SPICE1: variants seen among roughly 807,000 people sequenced by gnomAD.
The protein encoded by SPICE1 is spindle and centriole associated protein 1, also known as spindle and centriole-associated protein 1.
A neutral mutation model predicts 102.7 loss-of-function variants in SPICE1; 75 were observed. The observed-to-expected ratio is 0.73, with a 90% CI of 0.61 to 0.88. The LOEUF is 0.88. SPICE1 is among the 40% of genes least tolerant of loss of function. The pLI, the probability that SPICE1 is intolerant of heterozygous loss-of-function variation, is 0.00. For missense variants in SPICE1, 979 were observed against 1,020.1 expected (o/e 0.96, Z 0.55); for synonymous variants, 308 against 350.3 (o/e 0.88, Z 1.35).
chr3:113,512,813 G>C (rs1937247222), intron 1 of SPICE1, among the ~76,000 whole-genome samples: 1 of 152,028 alleles, frequency 6.6e-6, no homozygotes, highest in South Asian at 2.1e-4. Context: ...CATTCTTCTT[G>C]TCTTTCCATT....
intron 1 of SPICE1, among the ~76,000 whole-genome samples, chr3:113,510,786 G>C (rs1011328419): frequency 6.6e-6 from 1 of 152,056 alleles, no homozygotes; most frequent in African/African-American, 2.4e-5. Context: ...TTAAACTAAA[G>C]AGCTTCTGCA....
chr3:113,493,968 G>T, intron 5 of SPICE1, 81 bp downstream of exon 5: 1 of 936,108 alleles, frequency 1.1e-6, no homozygotes, highest in Non-Finnish European at 1.6e-6. Flanking sequence ...TGATGCCTAA[G>T]AAAGGACTTT....
At chr3:113,456,005 T>C (rs912159813) in intron 13 of SPICE1, among the ~76,000 whole-genome samples, 1 of 152,164 alleles carries the variant, frequency 6.6e-6, no homozygotes, top group Non-Finnish European at 1.5e-5. Context: ...AACTTAGGTC[T>C]AGAAAAGGTA....
chr3:113,504,571 CAAA>C (rs71633321), intron 2 of SPICE1, among the ~76,000 whole-genome samples: 19 of 67,832 alleles, frequency 2.8e-4, no homozygotes, highest in African/African-American at 8.6e-4. Context: ...GACCTTGTCT[CAAA>C]AAAAAAAAAA....
At chr3:113,494,426 T>C (rs984362785) in intron 4 of SPICE1, among the ~76,000 whole-genome samples, 72 of 152,142 alleles carry the variant, frequency 4.7e-4, no homozygotes, top group African/African-American at 1.6e-3. Context: ...GGCGGGCGGA[T>C]CACGAGGTCA....
At chr3:113,451,990 T>G (rs1294782107) in intron 14 of SPICE1, among the ~76,000 whole-genome samples, 1 of 152,158 alleles carries the variant, frequency 6.6e-6, no homozygotes, top group African/African-American at 2.4e-5. Context: ...CCAGTGACAG[T>G]GCCCAGCTCC....
In SPICE1 at chr3:113,446,583, GT is replaced by G. The variant is rs1559954816; in HGVS notation, c.2514+5del. 5 of 1,609,446 alleles carry G rather than the reference GT, an allele frequency of 3.1e-6. No individual in the cohort carries two copies. Among genetic ancestry groups the G allele is most frequent in the Non-Finnish European group, 4.3e-6 (5 of 1,176,466 alleles). The stretch of plus-strand genomic sequence containing the variant: ...ATGCATTTCACAATTACATTTTAAC[GT>G]GTACCTTTGCTCTTGGATTAAGAGG... On this transcript the variant is annotated splice_donor_5th_base_variant and intron_variant, in intron 17 of 17. Coordinates refer to ENST00000295872, the MANE Select transcript of SPICE1 (RefSeq NM_144718.4).
chr3:113,479,744 C>T (rs1010881442), intron 7 of SPICE1, among the ~76,000 whole-genome samples: 1 of 152,104 alleles, frequency 6.6e-6, no homozygotes, highest in African/African-American at 2.4e-5. Flanking sequence ...GTATGGTACA[C>T]ATTTATAGTA....
chr3:113,474,712 C>G (rs1936294686), intron 7 of SPICE1, among the ~76,000 whole-genome samples: 1 of 152,034 alleles, frequency 6.6e-6, no homozygotes, highest in Non-Finnish European at 1.5e-5. Flanking sequence ...TAAATGAAGG[C>G]AGAAATAAAG....
chr3:113,500,049 A>G (rs16861077), intron 3 of SPICE1, among the ~76,000 whole-genome samples: 6,527 of 152,144 alleles, frequency 0.043, 167 homozygotes, highest in East Asian at 0.1. Context: ...TCATCACACT[A>G]CTACCAAGAA....
In SPICE1 at chr3:113,503,247, T is replaced by C. The variant is rs1576649122; in HGVS notation, c.100-20A>G. 1 of 1,555,736 alleles carries C rather than the reference T, an allele frequency of 6.4e-7. No individual in the cohort carries two copies. Among genetic ancestry groups the C allele is most frequent in the South Asian group, 1.2e-5 (1 of 80,308 alleles). ...GGTATTCTGTAAAAAAAGGTGGCCT[T>C]TCTTTAAAAAAAAAAAAAAGTTTTC... is the stretch of plus-strand genomic sequence containing the variant. On this transcript the variant is annotated intron_variant, in intron 2 of 17. Coordinates refer to ENST00000295872, the MANE Select transcript of SPICE1 (RefSeq NM_144718.4).
At chr3:113,446,764 C>T (rs950572129) in intron 16 of SPICE1, 88 bp from the exon 17 acceptor site, 13 of 1,040,350 alleles carry the variant, frequency 1.2e-5, no homozygotes, top group Non-Finnish European at 1.8e-5. Context: ...ATTCTCAATA[C>T]TGGCAAGAGC....
intron 3 of SPICE1, among the ~76,000 whole-genome samples, chr3:113,502,178 C>A (rs114840037): frequency 0.043 from 6,530 of 152,140 alleles, 168 homozygotes; most frequent in East Asian, 0.1. Context: ...GAGTTCGAGA[C>A]CAGCCTGGGC....
At chr3:113,500,125 A>C (rs979495007) in intron 3 of SPICE1, among the ~76,000 whole-genome samples, 1 of 152,188 alleles carries the variant, frequency 6.6e-6, no homozygotes, top group African/African-American at 2.4e-5. Flanking sequence ...AAAATACAGA[A>C]GTCAGGGAAA....
At position 113,453,498 on chromosome 3, in the gene SPICE1, T is replaced by C. The variant is rs1265331327; in HGVS notation, c.2110A>G (p.Asn704Asp). The C allele has an allele frequency of 1.6e-5, 25 of 1,610,870 alleles. No homozygotes were observed. Among genetic ancestry groups the C allele is most frequent in the Non-Finnish European group, 1.9e-5 (22 of 1,177,700 alleles). The change falls in exon 14 of 18, where the codon AAC (asparagine) becomes GAC (aspartate). Residue 704 changes from asparagine to aspartate, a missense_variant. Asn to Asp is a conservative substitution (Grantham distance 23). Coordinates refer to ENST00000295872, the MANE Select transcript of SPICE1 (RefSeq NM_144718.4). ...ATGTCACTTGCACTTTCTTGTTTGT[T>C]CAACTCCCGGAGTCCATCCCCTTGC... ...GEQGDGLREL[N>D]KQESASDMTS...
chr3:113,506,568 A>C lies in SPICE1; in HGVS notation c.38T>G (p.Val13Gly). The C allele has an allele frequency of 1.2e-6, 2 of 1,613,566 alleles. No homozygotes were observed. Among genetic ancestry groups the C allele is most frequent in the Non-Finnish European group, 1.7e-6 (2 of 1,179,874 alleles). ...FVRVNRCGPR[V>G]GVRKTPKVKK... ...TACTTTCGGTGTCTTTCTTACACCA[A>C]CTCGGGGACCACAGCGGTTCACTCT... Residue 13 changes from valine (V) to glycine (G), a missense_variant, in exon 2 of 18, where the codon GTT becomes GGT. Coordinates refer to ENST00000295872, the MANE Select transcript of SPICE1 (RefSeq NM_144718.4).
chr3:113,501,066 T>C (rs1028940697), intron 3 of SPICE1, among the ~76,000 whole-genome samples: 1 of 152,160 alleles, frequency 6.6e-6, no homozygotes, highest in Non-Finnish European at 1.5e-5. Flanking sequence ...GATTGACATA[T>C]AAATCAGTGA....
chr3:113,453,784 G>GT lies in SPICE1; in HGVS notation c.1823dup (p.His608GlnfsTer16). The stretch of plus-strand genomic sequence containing the variant: ...TTTTGTTCTCCAAATCTTCTCCCAT[G>GT]TGAGAGACTCTCCATCTCTGAGTGA... On this transcript the variant is annotated frameshift_variant, in exon 14 of 18. Coordinates refer to ENST00000295872, the MANE Select transcript of SPICE1 (RefSeq NM_144718.4). LOFTEE classifies it high-confidence loss of function. 1 of 1,614,126 alleles carries GT rather than the reference G, an allele frequency of 6.2e-7. No homozygotes were observed. Among genetic ancestry groups the GT allele is most frequent in the Non-Finnish European group, 8.5e-7 (1 of 1,180,002 alleles).
chr3:113,458,818 C>A (rs1935850376), intron 12 of SPICE1, among the ~76,000 whole-genome samples: 1 of 151,042 alleles, frequency 6.6e-6, no homozygotes, highest in Non-Finnish European at 1.5e-5. Context: ...GCGTCTCTGC[C>A]CCGCTGCCCC....
Sources: allele counts gnomAD v4.1 joint callset (sites outside exome capture counted in the v4.1 genomes callset), GRCh38; gene constraint gnomAD v4.1.1; transcripts MANE v1.5; gene names NCBI Gene and HGNC (gene_info 2026-07-23, HGNC 2026-07-21).